IRF7: variants seen among roughly 807,000 people sequenced by gnomAD.
The protein encoded by IRF7 is interferon regulatory factor-7H.
IRF7 carries 67 observed loss-of-function variants against 51.3 expected under a neutral mutation model. That is an observed-to-expected ratio of 1.31 (90% CI 1.07 to 1.60). IRF7 has a LOEUF of 1.60. Among genes scored for constraint, IRF7 ranks in the 40% most tolerant of loss-of-function variants. The probability of loss-of-function intolerance (pLI) is 0.00; values close to 1 mark genes in which losing one functional copy is unlikely to be tolerated. For missense variants in IRF7, 873 were observed against 701.5 expected (o/e 1.24, Z -2.76); for synonymous variants, 427 against 301.3 (o/e 1.42, Z -4.32).
rs781365327 is a variant in IRF7, at chr11:614,181, A to C, written c.672T>G (p.Cys224Trp). 22 of 1,611,620 alleles carry C rather than the reference A, an allele frequency of 1.4e-5. No homozygotes were observed. The African/African-American group carries it at 2.9e-4, about 22-fold the overall frequency. ...GQEGLPLTGA[C>W]AGGPGLPAGE... ...CCCCGGGCACGCCCACACCTCCAGC[A>C]CAGGCCCCAGTCAGGGGAAGCCCTT... The change falls in exon 6 of 11, where the codon TGT (cysteine) becomes TGG (tryptophan). Residue 224 changes from cysteine (C) to tryptophan (W), a missense_variant. Coordinates refer to ENST00000525445, the MANE Select transcript of IRF7 (RefSeq NM_001572.5).
At position 614,288 on chromosome 11, in the gene IRF7, G is replaced by C. The variant is rs1373851610; in HGVS notation, c.565C>G (p.Gln189Glu). The C allele has an allele frequency of 6.2e-7, 1 of 1,612,144 alleles. No homozygotes were observed. Among genetic ancestry groups the C allele is most frequent in the Non-Finnish European group, 8.5e-7 (1 of 1,179,590 alleles). Residue 189 changes from glutamine (Q) to glutamate (E), a missense_variant, in exon 6 of 11, where the codon CAG becomes GAG. Gln to Glu is a conservative substitution (Grantham distance 29). Coordinates refer to ENST00000525445, the MANE Select transcript of IRF7 (RefSeq NM_001572.5). ...AGCAGATGGTCTGCCAGGCAGCTCT[G>C]TTGCACTGCCTGGAGCAGGAGGTCC... Reference protein sequence around the residue: ...KGDLLLQAVQQSCLADHLLTA... With the variant: ...KGDLLLQAVQESCLADHLLTA...
chr11:614,888 G>A lies in IRF7; in HGVS notation c.303C>T (p.Ser101=), dbSNP rs1589923515. 2 of 1,585,374 alleles carry A rather than the reference G, an allele frequency of 1.3e-6. No homozygotes were observed. The highest frequency in any genetic ancestry group is 8.6e-7 in the Non-Finnish European group (1 of 1,168,380). The part of the protein sequence containing the change: ...WKTNFRCALR[S]TRRFVMLRDN... ...CCCGCAGCATCACGAAGCGACGCGTGCTGCGCAGTGCGCAGCGGAAGTTGG... is the reference window on the plus strand; with the variant it reads ...CCCGCAGCATCACGAAGCGACGCGTACTGCGCAGTGCGCAGCGGAAGTTGG... The change falls in exon 4 of 11, where the codon AGC becomes AGT. Residue 101 remains serine (S), a synonymous_variant. Coordinates refer to ENST00000525445, the MANE Select transcript of IRF7 (RefSeq NM_001572.5).
At position 613,441 on chromosome 11, in the gene IRF7, A is replaced by G. The variant is rs1856567509; in HGVS notation, c.1002T>C (p.Pro334=). ...TDPQQVAFPS[P]AELPDQKQLR... ...GCTGCTTCTGGTCCGGGAGCTCGGC[A>G]GGGCTGGGGAATGCTACCTGCTGGG... The change falls in exon 9 of 11, where the codon CCT becomes CCC. Residue 334 remains proline (P), a synonymous_variant. Transcript: ENST00000525445. 5 of 1,554,616 alleles carry G rather than the reference A, an allele frequency of 3.2e-6. No homozygotes were observed. The South Asian group carries it at 4.8e-5, about 15-fold the overall frequency.
chr11:613,938 C>T lies in IRF7; in HGVS notation c.766+13G>A. 1 of 1,605,474 alleles carries T rather than the reference C, an allele frequency of 6.2e-7. No homozygotes were observed. Among genetic ancestry groups the T allele is most frequent in the Non-Finnish European group, 8.5e-7 (1 of 1,177,412 alleles). On this transcript the variant is annotated intron_variant, in intron 7 of 10. Coordinates refer to ENST00000525445, the MANE Select transcript of IRF7 (RefSeq NM_001572.5). ...CCCTGTGCCCCAGGCCTCCCAACCC[C>T]TACCCCTCTCACCTGTCGTTAGTGC... is the stretch of plus-strand genomic sequence containing the variant.
chr11:615,768 C>CCCGCCTCCGCCTCCGCCT (rs3832720), intron 1 of IRF7, 121 bp from the exon 2 acceptor site: 2 of 196,950 alleles, frequency 1.0e-5, no homozygotes, highest in South Asian at 1.8e-4. Flanking sequence ...TCCGCGGAAC[C>CCCGCCTCCGCCTCCGCCT]CCGCCTCCGC....
Position 613,405 on chromosome 11 carries a change from C to T in IRF7, c.1038G>A (p.Thr346=), listed in dbSNP as rs577968811. 20 of 1,579,892 alleles carry T rather than the reference C, an allele frequency of 1.3e-5. No individual in the cohort carries two copies. The highest frequency in any genetic ancestry group is 6.9e-5 in the South Asian group (6 of 86,976). ...ELPDQKQLRY[T]EELLRHVAPG... is the part of the protein sequence containing the mutation. ...GGGCCACGTGCCGCAGCAGTTCCTCCGTGTAGCGCAGCTGCTTCTGGTCCG... is the reference window on the plus strand; with the variant it reads ...GGGCCACGTGCCGCAGCAGTTCCTCTGTGTAGCGCAGCTGCTTCTGGTCCG... Residue 346 remains threonine (T), a synonymous_variant, in exon 9 of 11, where the codon ACG becomes ACA. Transcript: ENST00000525445.
At position 613,302 on chromosome 11, in the gene IRF7, C is replaced by T; in HGVS notation, c.1141G>A (p.Gly381Ser). Reference protein sequence around the residue: ...MGKCKVYWEVGGPPGSASPST... With the variant: ...MGKCKVYWEVSGPPGSASPST... ...GGGCTGGCGGAGCCTGGGGGTCCGC[C>T]CACCTCCCAGTACACCTTGCACTTG... is the stretch of plus-strand genomic sequence containing the variant. The change falls in exon 9 of 11, where the codon GGC becomes AGC. Residue 381 changes from glycine to serine, a missense_variant. Gly to Ser is a moderately conservative substitution (Grantham distance 56, BLOSUM62 0). Coordinates refer to ENST00000525445, the MANE Select transcript of IRF7 (RefSeq NM_001572.5). The T allele has an allele frequency of 6.2e-7, 1 of 1,611,072 alleles. No individual in the cohort carries two copies. Among genetic ancestry groups the T allele is most frequent in the Admixed American group, 1.7e-5 (1 of 59,748 alleles).
chr11:613,053 G>T lies in IRF7; in HGVS notation c.1302C>A (p.Phe434Leu). Residue 434 changes from phenylalanine to leucine, a missense_variant, in exon 10 of 11, where the codon TTC becomes TTA. Phe to Leu is a conservative substitution (Grantham distance 22). Transcript: ENST00000525445. Reference sequence around the variant, plus strand: ...GCCTCCCAGCTGACAGGTCCTGCCCGAAGCCCAGGTAGATGGTATAGCGTG... The same window carrying T: ...GCCTCCCAGCTGACAGGTCCTGCCCTAAGCCCAGGTAGATGGTATAGCGTG... ...GSPRYTIYLGFGQDLSAGRPK... is the reference protein window; with the variant it reads ...GSPRYTIYLGLGQDLSAGRPK... 6.2e-7 allele frequency: 1 copy of T among 1,613,110 alleles called. No individual in the cohort carries two copies. The highest frequency in any genetic ancestry group is 8.5e-7 in the Non-Finnish European group (1 of 1,179,992).
chr11:612,575 T>TA lies in IRF7; in HGVS notation c.*69dup, dbSNP rs1379603322. The TA allele has an allele frequency of 1.3e-6, 2 of 1,567,856 alleles. No individual in the cohort carries two copies. The highest frequency in any genetic ancestry group is 1.7e-6 in the Non-Finnish European group (2 of 1,150,724). ...GTACGTGTTCTGGAGTTCTTTTTAT[T>TA]AGACTGGGCGGCCGCGGCCAGCTCT... On this transcript the variant is annotated 3_prime_UTR_variant, in exon 11 of 11. Transcript: ENST00000525445.
In IRF7 at chr11:615,490, G is replaced by C. The variant is rs762604081; in HGVS notation, c.-126C>G. On this transcript the variant is annotated 5_prime_UTR_variant, in exon 2 of 11. Coordinates refer to ENST00000525445, the MANE Select transcript of IRF7 (RefSeq NM_001572.5). ...TGGCCAGGTGTCACAGGTGTCCACA[G>C]GTGTGGACTGAGGGCTTGTAGCCAC... 1.3e-4 allele frequency: 146 copies of C among 1,122,302 alleles called. No individual in the cohort carries two copies. The highest frequency in any genetic ancestry group is 1.7e-4 in the Non-Finnish European group (137 of 817,222). 69.5% of individuals were successfully genotyped at this position (1,122,302 alleles called of 1,614,324 possible). A position where few individuals can be genotyped will look rare whatever the true frequency, so the allele number is the denominator to read the frequency against.
chr11:615,073 G>A, intron 3 of IRF7, 24 bp downstream of exon 3: 1 of 1,561,016 alleles, frequency 6.4e-7, no homozygotes, highest in Non-Finnish European at 8.6e-7. Context: ...CCCACCCGGG[G>A]CGGGGCGGGG....
rs950154907 is a variant in IRF7, at chr11:614,545, A to G, written c.395-11T>C. ...CCGTGCCTGGGCCTTCTGAGAGAGA[A>G]TGGGGCAGGCGTTAGGCCCCGACAC... On this transcript the variant is annotated splice_polypyrimidine_tract_variant and intron_variant, in intron 4 of 10. Transcript: ENST00000525445. The G allele has an allele frequency of 4.5e-6, 7 of 1,551,772 alleles. No homozygotes were observed. The highest frequency in any genetic ancestry group is 6.1e-6 in the Non-Finnish European group (7 of 1,147,346).
Position 615,582 on chromosome 11 carries a change from G to A in IRF7, c.-218C>T. On this transcript the variant is annotated 5_prime_UTR_variant, in exon 2 of 11. Transcript: ENST00000525445. ...AGGTGTGACTGCAGGTGTGGCCGGC[G>A]CGCACACATGAAGTCACAGGTGTTG... The A allele has an allele frequency of 7.9e-6, 4 of 503,638 alleles. No homozygotes were observed. The highest frequency in any genetic ancestry group is 1.4e-5 in the Non-Finnish European group (4 of 290,772). 31.2% of individuals were successfully genotyped at this position (503,638 alleles called of 1,614,324 possible).
chr11:614,624 G>T, intron 4 of IRF7, 90 bp from the exon 5 acceptor site: 1 of 1,487,492 alleles, frequency 6.7e-7, no homozygotes. Flanking sequence ...CTTCCTGGCT[G>T]TGAACCCTTA....
rs1856493979 is a variant in IRF7 at position 612,634 on chromosome 11, T to C, written c.*11A>G. On this transcript the variant is annotated 3_prime_UTR_variant, in exon 11 of 11. Transcript: ENST00000525445. Reference sequence around the variant, plus strand: ...TGCTCCAGCTTTCTGGAGTTCTCATTAGACTGGGTTCTAGGCGGGCTGCTC... The same window carrying C: ...TGCTCCAGCTTTCTGGAGTTCTCATCAGACTGGGTTCTAGGCGGGCTGCTC... The C allele has an allele frequency of 3.7e-6, 6 of 1,612,092 alleles. No individual in the cohort carries two copies. The Middle Eastern group carries it at 8.3e-4, about 222-fold the overall frequency.
chr11:612,915 C>T (rs369313404), intron 10 of IRF7, 84 bp downstream of exon 10: 12 of 1,584,710 alleles, frequency 7.6e-6, no homozygotes, highest in African/African-American at 1.3e-5. Flanking sequence ...GCCTCCCCTC[C>T]CCCTCTCCGA....
Position 613,795 on chromosome 11 carries a change from G to A in IRF7, c.837C>T (p.Thr279=), listed in dbSNP as rs1471253141. The change falls in exon 8 of 11, where the codon ACC becomes ACT. Residue 279 remains threonine (T), a synonymous_variant. Transcript: ENST00000525445. The stretch of plus-strand genomic sequence containing the variant: ...CTGGGATGCACTCACCTTGCACCGC[G>A]GTGCAGGCGCTTGGGGAGGGTGACA... ...PYLSPSPSAC[T]AVQEPSPGAL... The A allele has an allele frequency of 8.3e-6, 13 of 1,565,194 alleles. No individual in the cohort carries two copies. Among genetic ancestry groups the A allele is most frequent in the Non-Finnish European group, 1.1e-5 (13 of 1,164,828 alleles).
rs1431693328 is a variant in IRF7, at chr11:613,541, A to G, written c.902T>C (p.Leu301Pro). 1.3e-6 allele frequency: 2 copies of G among 1,576,726 alleles called. No homozygotes were observed. Among genetic ancestry groups the G allele is most frequent in the Non-Finnish European group, 1.7e-6 (2 of 1,162,974 alleles). ...GCTCGGGTGTCCCACCACCTTCTGCAGCACCGTGCGGCCCTTGTACATGAT... is the reference window on the plus strand; with the variant it reads ...GCTCGGGTGTCCCACCACCTTCTGCGGCACCGTGCGGCCCTTGTACATGAT... ...VTIMYKGRTV[L>P]QKVVGHPSCT... Residue 301 changes from leucine (L) to proline (P), a missense_variant, in exon 9 of 11, where the codon CTG becomes CCG. Leu to Pro is a moderately conservative substitution (Grantham distance 98). Transcript: ENST00000525445.
intron 9 of IRF7, 28 bp from the exon 10 acceptor site, chr11:613,145 T>TG: frequency 1.9e-6 from 3 of 1,608,292 alleles, no homozygotes; most frequent in Non-Finnish European, 2.5e-6. Flanking sequence ...GCTGAGTACC[T>TG]GGCAGGCAGG....
Sources: gnomAD v4.1 joint callset for allele counts on GRCh38, gnomAD v4.1.1 for gene constraint, MANE v1.5 for transcripts, NCBI Gene and HGNC (gene_info 2026-07-23, HGNC 2026-07-21) for gene names.